DNM3: variants seen among roughly 807,000 people sequenced by gnomAD.
DNM3 encodes the protein dynamin-3.
DNM3 carries 47 observed loss-of-function variants against 101.6 expected under a neutral mutation model. That is an observed-to-expected ratio of 0.46 (90% confidence interval 0.37 to 0.59). The LOEUF (loss-of-function observed/expected upper bound fraction) is 0.59, where lower values mean the gene tolerates loss of function less well. Among genes scored for constraint, DNM3 ranks in the 20% least tolerant of loss-of-function variants. The probability of loss-of-function intolerance (pLI) is 0.00; values close to 1 mark genes in which losing one functional copy is unlikely to be tolerated. For missense variants in DNM3, 849 were observed against 1,085.7 expected (o/e 0.78, Z 3.06); for synonymous variants, 385 against 387.9 (o/e 0.99, Z 0.09).
intron 1 of DNM3, among the ~76,000 whole-genome samples, chr1:171,878,023 C>T (rs1001932724): frequency 6.6e-6 from 1 of 152,138 alleles, no homozygotes; most frequent in African/African-American, 2.4e-5. Context: ...TCAGCACAGT[C>T]ATTGTGGCCT....
At chr1:172,010,870 C>T (rs1172006627) in intron 4 of DNM3, among the ~76,000 whole-genome samples, 2 of 151,286 alleles carry the variant, frequency 1.3e-5, no homozygotes, top group African/African-American at 4.9e-5. Flanking sequence ...GTTTAAATGT[C>T]ATTTGTGAAT....
Position 171,926,502 on chromosome 1 carries a change from C to G in DNM3, c.235+4681C>G, listed in dbSNP as rs148519429. 9.7e-4 allele frequency among the ~76,000 whole-genome samples: 148 copies of G among 152,156 alleles called. 1 individual carries two copies. Among genetic ancestry groups the G allele is most frequent in the Middle Eastern group, 3.4e-3 (1 of 294 alleles). ...TCTTTCCTCACTGTAGGATCTTGGC[C>G]CCTTTGTCAAAAATCTGTTGACCAG... On this transcript the variant is annotated intron_variant, in intron 2 of 20. Coordinates refer to ENST00000627582, the MANE Select transcript of DNM3 (RefSeq NM_015569.5).
intron 12 of DNM3, among the ~76,000 whole-genome samples, chr1:172,089,947 T>C (rs2053794296): frequency 1.3e-5 from 2 of 152,210 alleles, no homozygotes. Context: ...ATGACACACA[T>C]ATACACATTT....
chr1:172,293,988 C>T (rs968473134), intron 15 of DNM3, among the ~76,000 whole-genome samples: 2 of 152,154 alleles, frequency 1.3e-5, no homozygotes, highest in Non-Finnish European at 2.9e-5. Context: ...GACATTTGTC[C>T]AGTTCTACCT....
chr1:172,214,521 C>A (rs1056164361), intron 14 of DNM3, among the ~76,000 whole-genome samples: 8 of 151,780 alleles, frequency 5.3e-5, no homozygotes, highest in African/African-American at 1.7e-4. Flanking sequence ...CTCATCCCCC[C>A]CACACACAAA....
rs534069206 is a variant in DNM3 at position 172,193,610 on chromosome 1, T to G, written c.1660-59963T>G. Among the ~76,000 whole-genome samples, 162 of 152,310 alleles carry G rather than the reference T, an allele frequency of 1.1e-3. 1 individual carries two copies. The highest frequency in any genetic ancestry group is 3.3e-3 in the South Asian group (16 of 4,824). Reference sequence around the variant, plus strand: ...TTGGGAGGGTGTATGTGTCGAGGAATTTATCCATTTCCTCTAGATTTTCTA... The same window carrying G: ...TTGGGAGGGTGTATGTGTCGAGGAAGTTATCCATTTCCTCTAGATTTTCTA... On this transcript the variant is annotated intron_variant, in intron 14 of 20. Transcript: ENST00000627582.
chr1:172,055,889 G>A (rs538120143), intron 10 of DNM3, among the ~76,000 whole-genome samples: 4 of 152,294 alleles, frequency 2.6e-5, no homozygotes, highest in East Asian at 1.9e-4. Context: ...CAGCATGAGC[G>A]ACGCAGAAGA....
At chr1:172,344,070 C>A (rs1313592068) in intron 17 of DNM3, among the ~76,000 whole-genome samples, 1 of 152,140 alleles carries the variant, frequency 6.6e-6, no homozygotes, top group Non-Finnish European at 1.5e-5. Flanking sequence ...ACGTCTACAG[C>A]CAAATTGAGC....
chr1:172,088,715 T>G (rs1197639331), intron 12 of DNM3, among the ~76,000 whole-genome samples: 2 of 152,232 alleles, frequency 1.3e-5, no homozygotes, highest in Admixed American at 6.5e-5. Context: ...AAAGTTTATC[T>G]TCTTTTCAAG....
intron 13 of DNM3, among the ~76,000 whole-genome samples, chr1:172,103,090 T>C (rs2054767472): frequency 6.6e-6 from 1 of 152,018 alleles, no homozygotes; most frequent in South Asian, 2.1e-4. Context: ...ATAATGCAGA[T>C]AAAATAAATA....
intron 2 of DNM3, among the ~76,000 whole-genome samples, chr1:171,975,949 G>T (rs998524663): frequency 1.3e-5 from 2 of 151,968 alleles, no homozygotes; most frequent in Non-Finnish European, 2.9e-5. Context: ...ACTTCAGCCT[G>T]GGCAACTTAG....
chr1:172,155,102 G>T (rs1331071211), intron 14 of DNM3, among the ~76,000 whole-genome samples: 1 of 151,862 alleles, frequency 6.6e-6, no homozygotes, highest in Non-Finnish European at 1.5e-5. Flanking sequence ...TATGTTATGA[G>T]ATTGCCATTT....
At position 172,409,210 on chromosome 1, in the gene DNM3, T is replaced by A; in HGVS notation, c.*1369T>A. 1.0e-6 allele frequency: 1 copy of A among 985,342 alleles called. No homozygotes were observed. Among genetic ancestry groups the A allele is most frequent in the Non-Finnish European group, 1.2e-6 (1 of 829,878 alleles). 61.0% of individuals were successfully genotyped at this position (985,342 alleles called of 1,614,324 possible). On this transcript the variant is annotated 3_prime_UTR_variant, in exon 21 of 21. Transcript: ENST00000627582. The stretch of plus-strand genomic sequence containing the variant: ...CCCAGACAGCAGAGCAAGTATTCAC[T>A]GAGTAGGGGTGTCCCATGACACTAT...
At chr1:172,039,506 T>C (rs575720805) in intron 7 of DNM3, among the ~76,000 whole-genome samples, 2 of 152,224 alleles carry the variant, frequency 1.3e-5, no homozygotes, top group East Asian at 1.9e-4. Context: ...TTCTTTCTTT[T>C]CGTTCTTGGG....
Position 172,147,621 on chromosome 1 carries a change from G to A in DNM3, c.1659+16333G>A, listed in dbSNP as rs149281082. ...GAAACCAGGACTGAGGCTTCTTTCT[G>A]TGTACCTCTAAAGGGGCAGGGTTAC... On this transcript the variant is annotated intron_variant, in intron 14 of 20. Coordinates refer to ENST00000627582, the MANE Select transcript of DNM3 (RefSeq NM_015569.5). Among the ~76,000 whole-genome samples, 1,345 of 152,176 alleles carry A rather than the reference G, an allele frequency of 8.8e-3. 27 individuals carry two copies. Among genetic ancestry groups the A allele is most frequent in the African/African-American group, 0.03 (1,255 of 41,530 alleles).
intron 1 of DNM3, among the ~76,000 whole-genome samples, chr1:171,851,141 A>G (rs1232035021): frequency 6.6e-6 from 1 of 152,060 alleles, no homozygotes; most frequent in Non-Finnish European, 1.5e-5. Flanking sequence ...TCTGATTTAG[A>G]GGCCCCTCCT....
intron 6 of DNM3, 151 bp from the exon 7 acceptor site, chr1:172,038,168 A>T: frequency 1.0e-6 from 1 of 999,750 alleles, no homozygotes. Flanking sequence ...CTCCCTATCT[A>T]CATAATAGTC....
At chr1:172,136,124 A>C (rs960857523) in intron 14 of DNM3, among the ~76,000 whole-genome samples, 1 of 152,116 alleles carries the variant, frequency 6.6e-6, no homozygotes, top group East Asian at 1.9e-4. Context: ...AAATAAGGAC[A>C]TTCTTTGGAC....
chr1:171,855,860 T>C (rs1265945018), intron 1 of DNM3, among the ~76,000 whole-genome samples: 1 of 152,190 alleles, frequency 6.6e-6, no homozygotes, highest in Non-Finnish European at 1.5e-5. Context: ...TTGCAGAAGC[T>C]CTTAAGTTTA....
Sources: allele counts gnomAD v4.1 joint callset (sites outside exome capture counted in the v4.1 genomes callset), GRCh38; gene constraint gnomAD v4.1.1; transcripts MANE v1.5; gene names NCBI Gene and HGNC (gene_info 2026-07-23, HGNC 2026-07-21).